C6: variants seen among roughly 807,000 people sequenced by gnomAD.
C6 encodes complement component C6.
C6 carries 101 observed loss-of-function variants against 112.9 expected under a neutral mutation model. That is an observed-to-expected ratio of 0.89 (90% CI 0.76 to 1.06). C6 has a LOEUF of 1.06. Ranked by LOEUF, C6 falls within the 50% of genes least tolerant of loss-of-function variation. The pLI is 0.00. For synonymous variants in C6, 431 were observed against 384.1 expected, an observed-to-expected ratio of 1.12 and a Z score of -1.43; for missense variants, 1,202 against 1,104.6, an observed-to-expected ratio of 1.09 and a Z score of -1.25.
At chr5:41,145,388 T>C (rs1246213948) in intron 17 of C6, among the ~76,000 whole-genome samples, 1 of 152,224 alleles carries the variant, frequency 6.6e-6, no homozygotes, top group Non-Finnish European at 1.5e-5. Flanking sequence ...AACAAGGCGC[T>C]CAATTAATTC....
intron 1 of C6, among the ~76,000 whole-genome samples, chr5:41,209,779 TG>T (rs1194591255): frequency 6.6e-6 from 1 of 152,118 alleles, no homozygotes; most frequent in Non-Finnish European, 1.5e-5. Flanking sequence ...ATCGTGAAAA[TG>T]GCCATACTGC....
chr5:41,177,490 C>T (rs1026016440), intron 7 of C6, among the ~76,000 whole-genome samples: 1 of 151,992 alleles, frequency 6.6e-6, no homozygotes, highest in African/African-American at 2.4e-5. Flanking sequence ...TATTTATGTA[C>T]ATTGTTTTAA....
At chr5:41,233,869 A>G (rs1480429476) in intron 1 of C6, among the ~76,000 whole-genome samples, 5 of 152,112 alleles carry the variant, frequency 3.3e-5, no homozygotes, top group African/African-American at 7.2e-5. Flanking sequence ...CAGTTTATTT[A>G]GTTCTTTTAT....
chr5:41,229,397 T>TCC (rs1430031638), intron 1 of C6, among the ~76,000 whole-genome samples: 2 of 152,006 alleles, frequency 1.3e-5, no homozygotes, highest in Non-Finnish European at 2.9e-5. Context: ...ATTGTGTCAA[T>TCC]ATATTTTTAG....
chr5:41,239,758 T>TTGACTTCTGG (rs1252366684), intron 1 of C6, among the ~76,000 whole-genome samples: 11 of 152,132 alleles, frequency 7.2e-5, no homozygotes, highest in African/African-American at 7.2e-5. Context: ...CACTTCTGGG[T>TTGACTTCTGG]GTTGGACTCC....
In C6 at chr5:41,155,003, C is replaced by A. The variant is rs1205722315; in HGVS notation, c.2070G>T (p.Gly690=). The A allele has an allele frequency of 6.2e-7, 1 of 1,613,790 alleles. No individual in the cohort carries two copies. The highest frequency in any genetic ancestry group is 8.5e-7 in the Non-Finnish European group (1 of 1,179,778). The part of the protein sequence containing the change: ...GYQYFRCLPD[G]TWRQGDVECQ... Reference sequence around the variant, plus strand: ...ATTCCACATCCCCTTGTCTCCAGGTCCCGTCTGGTAAGCATCTGAAGTACT... The same window carrying A: ...ATTCCACATCCCCTTGTCTCCAGGTACCGTCTGGTAAGCATCTGAAGTACT... Residue 690 remains glycine (G), a synonymous_variant, in exon 14 of 18, where the codon GGG becomes GGT. Transcript: ENST00000337836.
At chr5:41,200,150 T>G (rs556144307) in intron 3 of C6, among the ~76,000 whole-genome samples, 1 of 152,198 alleles carries the variant, frequency 6.6e-6, no homozygotes, top group Non-Finnish European at 1.5e-5. Flanking sequence ...TTCTAAGGCT[T>G]CTTATAACTC....
At chr5:41,257,533 C>G (rs77530087) in intron 1 of C6, among the ~76,000 whole-genome samples, 1 of 151,810 alleles carries the variant, frequency 6.6e-6, no homozygotes, top group Non-Finnish European at 1.5e-5. Context: ...GGATACATAC[C>G]CAGCAATAGG....
At chr5:41,236,396 G>A (rs558037465) in intron 1 of C6, among the ~76,000 whole-genome samples, 21 of 151,768 alleles carry the variant, frequency 1.4e-4, no homozygotes, top group Middle Eastern at 3.4e-3. Flanking sequence ...GTAGATATGC[G>A]GCATTATTTC....
intron 1 of C6, among the ~76,000 whole-genome samples, chr5:41,206,203 A>T (rs1337663257): frequency 6.6e-6 from 1 of 152,218 alleles, no homozygotes; most frequent in Non-Finnish European, 1.5e-5. Flanking sequence ...CATCCACACC[A>T]AAACCCCATC....
intron 1 of C6, among the ~76,000 whole-genome samples, chr5:41,225,853 A>G (rs1451884800): frequency 6.6e-6 from 1 of 152,234 alleles, no homozygotes; most frequent in African/African-American, 2.4e-5. Flanking sequence ...CAATGGGGAA[A>G]GGATTCCCTA....
chr5:41,192,788 T>G (rs746117296), intron 5 of C6, among the ~76,000 whole-genome samples: 1 of 152,220 alleles, frequency 6.6e-6, no homozygotes, highest in Non-Finnish European at 1.5e-5. Flanking sequence ...TATTGTAGAA[T>G]TTCATTTTTA....
rs116399172 is a variant in C6 at position 41,256,668 on chromosome 5, C to T, written c.-21+4526G>A. 2.0e-3 allele frequency among the ~76,000 whole-genome samples: 309 copies of T among 152,246 alleles called. 2 individuals carry two copies. Among genetic ancestry groups the T allele is most frequent in the African/African-American group, 7.0e-3 (289 of 41,546 alleles). ...ATAAAGCTTGCCTGGTTTTATGTTA[C>T]GATATCCTGCCTCTAATGACCTCAA... is the stretch of plus-strand genomic sequence containing the variant. On this transcript the variant is annotated intron_variant, in intron 1 of 17. Coordinates refer to the C6 transcript ENST00000263413.
intron 5 of C6, among the ~76,000 whole-genome samples, chr5:41,194,331 AGTT>A (rs941297255): frequency 8.5e-5 from 13 of 152,156 alleles, no homozygotes; most frequent in Admixed American, 7.2e-4. Context: ...CGAGGCCCAG[AGTT>A]GTTAAATAAC....
At chr5:41,206,310 C>T (rs202178988) in intron 1 of C6, among the ~76,000 whole-genome samples, 3 of 152,216 alleles carry the variant, frequency 2.0e-5, no homozygotes, top group East Asian at 3.8e-4. Flanking sequence ...ATCAGAGCAC[C>T]TCTTCTCCTC....
chr5:41,180,433 A>G (rs1004264387), intron 7 of C6, among the ~76,000 whole-genome samples: 1 of 152,182 alleles, frequency 6.6e-6, no homozygotes, highest in Non-Finnish European at 1.5e-5. Context: ...CTTCTAAATC[A>G]TTTAAACACT....
intron 1 of C6, among the ~76,000 whole-genome samples, chr5:41,247,281 C>A (rs987035044): frequency 1.3e-5 from 2 of 152,060 alleles, no homozygotes; most frequent in Admixed American, 6.6e-5. Context: ...GATCCTATAT[C>A]TAGAAAACCC....
At chr5:41,180,206 A>G (rs1749212909) in intron 7 of C6, among the ~76,000 whole-genome samples, 1 of 152,170 alleles carries the variant, frequency 6.6e-6, no homozygotes, top group African/African-American at 2.4e-5. Context: ...TAAAAGTAGG[A>G]GCAACCGTAA....
At chr5:41,233,831 A>G (rs1740058661) in intron 1 of C6, among the ~76,000 whole-genome samples, 1 of 152,112 alleles carries the variant, frequency 6.6e-6, no homozygotes, top group African/African-American at 2.4e-5. Context: ...GGCAGGTTAT[A>G]TGAGAACTCC....
Sources: allele counts gnomAD v4.1 joint callset (sites outside exome capture counted in the v4.1 genomes callset), GRCh38; gene constraint gnomAD v4.1.1; transcripts MANE v1.5; gene names NCBI Gene and HGNC (gene_info 2026-07-23, HGNC 2026-07-21).